NRXN3: variants seen among roughly 807,000 people sequenced by gnomAD.
The protein encoded by NRXN3 is neurexin 3.
Under a neutral mutation model 137.6 loss-of-function variants are expected in NRXN3, and 32 were observed. That is an observed-to-expected ratio of 0.23 (90% confidence interval 0.18 to 0.31). NRXN3 has a LOEUF of 0.31. NRXN3 is among the 10% of genes least tolerant of loss of function. The pLI is 1.00. For synonymous variants in NRXN3, 798 were observed against 784.5 expected (o/e 1.02, Z -0.29); for missense variants, 1,574 against 2,062.5 (o/e 0.76, Z 4.59).
intron 10 of NRXN3, among the ~76,000 whole-genome samples, chr14:78,865,156 GAA>G (rs1394023010): frequency 6.6e-6 from 1 of 151,878 alleles, no homozygotes; most frequent in African/African-American, 2.4e-5. Context: ...TGTGAGCTAT[GAA>G]AAAAAGACAA....
intron 15 of NRXN3, among the ~76,000 whole-genome samples, chr14:79,441,366 CTTTTTTTTTT>C (rs869170695): frequency 1.0e-3 from 67 of 67,254 alleles, no homozygotes; most frequent in African/African-American, 3.3e-3. Context: ...AACAGAAAAT[CTTTTTTTTTT>C]TTTTTTTTTT....
intron 6 of NRXN3, among the ~76,000 whole-genome samples, chr14:78,676,418 A>G (rs900298477): frequency 2.0e-5 from 3 of 152,174 alleles, no homozygotes; most frequent in Admixed American, 6.6e-5. Flanking sequence ...GGAAGATCAA[A>G]CCAGCCACAC....
intron 19 of NRXN3, among the ~76,000 whole-genome samples, chr14:79,699,621 T>A (rs893869523): frequency 6.6e-6 from 1 of 151,982 alleles, no homozygotes; most frequent in African/African-American, 2.4e-5. Context: ...TTTCCGCAAA[T>A]TAAGAAAGTC....
At chr14:79,838,365 G>A (rs1208497977) in intron 20 of NRXN3, among the ~76,000 whole-genome samples, 1 of 152,210 alleles carries the variant, frequency 6.6e-6, no homozygotes, top group South Asian at 2.1e-4. Flanking sequence ...ACGCATAAAA[G>A]TGGAGACTGT....
At chr14:78,215,205 C>CCCTCT (rs1223036624) in intron 1 of NRXN3, among the ~76,000 whole-genome samples, 3 of 152,160 alleles carry the variant, frequency 2.0e-5, no homozygotes, top group Non-Finnish European at 4.4e-5. Flanking sequence ...CCCACTCTGG[C>CCCTCT]CCTCTCCCCC....
At chr14:78,391,503 T>C (rs1458544164) in intron 4 of NRXN3, among the ~76,000 whole-genome samples, 4 of 151,958 alleles carry the variant, frequency 2.6e-5, no homozygotes, top group African/African-American at 4.8e-5. Flanking sequence ...CAAGCCTGTT[T>C]GGTTGTTTAT....
chr14:78,560,558 C>A (rs969487038), intron 4 of NRXN3, among the ~76,000 whole-genome samples: 1 of 152,190 alleles, frequency 6.6e-6, no homozygotes, highest in African/African-American at 2.4e-5. Flanking sequence ...AAGATGCTGA[C>A]CCCTCGCTAG....
At chr14:79,525,946 A>G (rs1397738439) in intron 16 of NRXN3, among the ~76,000 whole-genome samples, 2 of 152,166 alleles carry the variant, frequency 1.3e-5, no homozygotes, top group African/African-American at 2.4e-5. Context: ...CAGTGGCACA[A>G]TCATAGCTCA....
intron 16 of NRXN3, among the ~76,000 whole-genome samples, chr14:79,573,531 G>A (rs990005351): frequency 7.9e-5 from 12 of 151,970 alleles, no homozygotes; most frequent in African/African-American, 2.9e-4. Context: ...GGCCAGCACT[G>A]GGAAGGCCAT....
intron 4 of NRXN3, among the ~76,000 whole-genome samples, chr14:78,543,705 T>G (rs1043146874): frequency 2.6e-5 from 4 of 152,188 alleles, no homozygotes; most frequent in Non-Finnish European, 2.9e-5. Flanking sequence ...TGCTGTTGAC[T>G]TTGTTGTTGT....
intron 16 of NRXN3, among the ~76,000 whole-genome samples, chr14:79,565,902 A>C (rs533684061): frequency 6.6e-6 from 1 of 152,302 alleles, no homozygotes; most frequent in East Asian, 1.9e-4. Flanking sequence ...ATGTTTGTTA[A>C]GAAAAATAAT....
chr14:79,629,722 G>A (rs953377122), intron 16 of NRXN3, among the ~76,000 whole-genome samples: 1 of 152,100 alleles, frequency 6.6e-6, no homozygotes, highest in African/African-American at 2.4e-5. Context: ...CTAAACAGGG[G>A]AGAAGAAAAA....
intron 6 of NRXN3, among the ~76,000 whole-genome samples, chr14:78,655,390 T>G (rs911343792): frequency 2.2e-4 from 33 of 152,208 alleles, no homozygotes; most frequent in African/African-American, 8.0e-4. Flanking sequence ...CATTAACACA[T>G]GGAATCTCTA....
At chr14:78,601,234 G>A (rs556769545) in intron 4 of NRXN3, among the ~76,000 whole-genome samples, 3 of 151,996 alleles carry the variant, frequency 2.0e-5, no homozygotes, top group Non-Finnish European at 2.9e-5. Context: ...TAATATCAGT[G>A]ACTATAACAA....
intron 19 of NRXN3, among the ~76,000 whole-genome samples, chr14:79,704,891 C>T (rs2154039515): frequency 6.6e-6 from 1 of 152,250 alleles, no homozygotes; most frequent in East Asian, 1.9e-4. Flanking sequence ...GTTTACCTTC[C>T]TCTTAAAGAC....
intron 16 of NRXN3, among the ~76,000 whole-genome samples, chr14:79,526,259 C>G (rs1425479136): frequency 6.6e-6 from 1 of 152,128 alleles, no homozygotes; most frequent in Non-Finnish European, 1.5e-5. Flanking sequence ...GTTGGTCAGG[C>G]TGGTCTCAAC....
chr14:78,813,238 T>C (rs2098920126), intron 10 of NRXN3, among the ~76,000 whole-genome samples: 1 of 152,232 alleles, frequency 6.6e-6, no homozygotes, highest in Non-Finnish European at 1.5e-5. Context: ...GAGAAGACTA[T>C]GCAATTAAAT....
intron 1 of NRXN3, among the ~76,000 whole-genome samples, chr14:78,175,124 C>T (rs1317354237): frequency 3.3e-5 from 5 of 152,174 alleles, no homozygotes; most frequent in Non-Finnish European, 7.3e-5. Context: ...TTCCCATCTT[C>T]AGCTGAAGGT....
intron 4 of NRXN3, among the ~76,000 whole-genome samples, chr14:78,635,136 A>T (rs1383730347): frequency 6.6e-6 from 1 of 152,200 alleles, no homozygotes; most frequent in East Asian, 1.9e-4. Flanking sequence ...TACCAAAAAT[A>T]TAATCTAATT....
Sources: allele counts gnomAD v4.1 joint callset (sites outside exome capture counted in the v4.1 genomes callset), GRCh38; gene constraint gnomAD v4.1.1; transcripts MANE v1.5; gene names NCBI Gene and HGNC (gene_info 2026-07-23, HGNC 2026-07-21).